Variants in CIPC observed in about 807,000 individuals in gnomAD.
The protein encoded by CIPC is CLOCK interacting pacemaker, also known as CLOCK-interacting pacemaker.
A neutral mutation model predicts 26.7 loss-of-function variants in CIPC; 12 were observed. The observed-to-expected ratio is 0.45, with a 90% confidence interval of 0.29 to 0.73. CIPC has a LOEUF of 0.73. Ranked by LOEUF, CIPC falls within the 30% of genes least tolerant of loss-of-function variation. The pLI, the probability that CIPC is intolerant of heterozygous loss-of-function variation, is 0.12. For missense variants in CIPC, 417 were observed against 486.5 expected, an observed-to-expected ratio of 0.86 and a Z score of 1.34; for synonymous variants, 170 against 189.8, an observed-to-expected ratio of 0.90 and a Z score of 0.86.
chr14:77,106,566 C>G (rs896704876), intron 2 of CIPC, among the ~76,000 whole-genome samples: 1 of 151,874 alleles, frequency 6.6e-6, no homozygotes, highest in Admixed American at 6.6e-5. Flanking sequence ...ATTTTTGGCG[C>G]GGGGATGCAG....
chr14:77,110,123 C>A, intron 3 of CIPC, 142 bp downstream of exon 3: 1 of 738,962 alleles, frequency 1.4e-6, no homozygotes, highest in Non-Finnish European at 2.1e-6. Flanking sequence ...TACTTTCTGT[C>A]CTGGGGAGCG....
Position 77,115,035 on chromosome 14 carries a change from A to T in CIPC, c.*717A>T, listed in dbSNP as rs3813544. The T allele has an allele frequency of 6.6e-6, 1 of 152,262 alleles. No homozygotes were observed. The highest frequency in any genetic ancestry group is 6.5e-5 in the Admixed American group (1 of 15,288). The allele number at this position is 152,262 out of a possible 1,614,324, so 9.4% of individuals were successfully genotyped here. A position where few individuals can be genotyped will look rare whatever the true frequency, so the allele number is the denominator to read the frequency against. ...ATGAATGCAGTACATCTGGAATTGT[A>T]GTCGATGAATTGCTTTTTTGACTTA... On this transcript the variant is annotated 3_prime_UTR_variant, in exon 4 of 4. Transcript: ENST00000361786.
intron 1 of CIPC, among the ~76,000 whole-genome samples, chr14:77,105,183 G>A (rs1292677788): frequency 6.6e-6 from 1 of 152,174 alleles, no homozygotes; most frequent in Non-Finnish European, 1.5e-5. Context: ...TGTGGGAGGT[G>A]GCAATAGGTC....
chr14:77,114,757 G>T lies in CIPC; in HGVS notation c.*439G>T, dbSNP rs753989287. On this transcript the variant is annotated 3_prime_UTR_variant, in exon 4 of 4. Transcript: ENST00000361786. ...AACCTTCATGGATCTTCCCTTGCCT[G>T]TCTTAGTCACAGAGAGAAATAAGAG... is the stretch of plus-strand genomic sequence containing the variant. 5 of 161,288 alleles carry T rather than the reference G, an allele frequency of 3.1e-5. No homozygotes were observed. Among genetic ancestry groups the T allele is most frequent in the Non-Finnish European group, 6.9e-5 (5 of 72,842 alleles). The allele number at this position is 161,288 out of a possible 1,614,324, so 10.0% of individuals were successfully genotyped here. A position where few individuals can be genotyped will look rare whatever the true frequency, so the allele number is the denominator to read the frequency against.
chr14:77,099,537 C>T (rs1244200723), intron 1 of CIPC, among the ~76,000 whole-genome samples: 1 of 152,134 alleles, frequency 6.6e-6, no homozygotes, highest in African/African-American at 2.4e-5. Context: ...ATAATTCTAA[C>T]GGGGATTACT....
chr14:77,100,644 A>G (rs1886463275), intron 1 of CIPC, among the ~76,000 whole-genome samples: 1 of 150,620 alleles, frequency 6.6e-6, no homozygotes, highest in African/African-American at 2.4e-5. Context: ...ATCTCGGCTC[A>G]CTGCAACTCC....
intron 1 of CIPC, among the ~76,000 whole-genome samples, chr14:77,099,610 C>T (rs1282631470): frequency 6.6e-6 from 1 of 152,140 alleles, no homozygotes. Context: ...GGGCTTTTAC[C>T]TCACACTTCT....
At chr14:77,113,080 T>C (rs1163357885) in intron 3 of CIPC, among the ~76,000 whole-genome samples, 1 of 152,226 alleles carries the variant, frequency 6.6e-6, no homozygotes, top group African/African-American at 2.4e-5. Flanking sequence ...TAAATGAAGA[T>C]ACACTTTGGT....
chr14:77,098,285 A>T lies in CIPC; in HGVS notation c.-129A>T, dbSNP rs563975978. The stretch of plus-strand genomic sequence containing the variant: ...GACACCCAGCGACGACGAGGTTGTC[A>T]TGGTGCCGCGGGGCCGTGCTCGCGC... On this transcript the variant is annotated 5_prime_UTR_variant, in exon 1 of 4. An upstream start codon of the reference 5' UTR is lost. Transcript: ENST00000361786. 3 of 152,616 alleles carry T rather than the reference A, an allele frequency of 2.0e-5. No individual in the cohort carries two copies. Among genetic ancestry groups the T allele is most frequent in the African/African-American group, 7.2e-5 (3 of 41,420 alleles). 9.5% of individuals were successfully genotyped at this position (152,616 alleles called of 1,614,324 possible). A position where few individuals can be genotyped will look rare whatever the true frequency, so the allele number is the denominator to read the frequency against.
rs765319757 is a variant in CIPC at position 77,116,939 on chromosome 14, C to T, written c.*2621C>T. The stretch of plus-strand genomic sequence containing the variant: ...TGAAGGTGAGAAGCCATTTTTAGCT[C>T]AGAGCAACCCTTAAGAGAACTTTTG... On this transcript the variant is annotated 3_prime_UTR_variant, in exon 4 of 4. Transcript: ENST00000361786. 15 of 152,160 alleles carry T rather than the reference C, an allele frequency of 9.9e-5. No individual in the cohort carries two copies. The highest frequency in any genetic ancestry group is 2.1e-4 in the South Asian group (1 of 4,828). 9.4% of individuals were successfully genotyped at this position (152,160 alleles called of 1,614,324 possible). A position where few individuals can be genotyped will look rare whatever the true frequency, so the allele number is the denominator to read the frequency against.
Position 77,114,177 on chromosome 14 carries a change from A to G in CIPC, c.1059A>G (p.Leu353=). ...CAACTCAGGTAGAACTAGACCAGCT[A>G]AAGGAGCAAACCCAGCTGTTTATAG... The part of the protein sequence containing the change: ...NQATQVELDQ[L]KEQTQLFIEA... Residue 353 remains leucine, a synonymous_variant, in exon 4 of 4, where the codon CTA becomes CTG. Transcript: ENST00000361786. The G allele has an allele frequency of 6.2e-7, 1 of 1,614,164 alleles. No homozygotes were observed. The highest frequency in any genetic ancestry group is 1.3e-5 in the African/African-American group (1 of 75,066).
chr14:77,104,783 CTTGA>C (rs918788986), intron 1 of CIPC, among the ~76,000 whole-genome samples: 21 of 152,232 alleles, frequency 1.4e-4, no homozygotes, highest in African/African-American at 5.1e-4. Context: ...TGAGTGATTA[CTTGA>C]TTAATGACTG....
chr14:77,099,893 C>T (rs1397154454), intron 1 of CIPC: 2 of 152,142 alleles, frequency 1.3e-5, no homozygotes, highest in Non-Finnish European at 2.9e-5. Flanking sequence ...GGGGACCAGA[C>T]GTGGAGGTTA....
intron 1 of CIPC, 29 bp from the exon 2 acceptor site, chr14:77,105,628 G>A: frequency 6.7e-7 from 1 of 1,482,720 alleles, no homozygotes; most frequent in Admixed American, 2.0e-5. Flanking sequence ...TCTCCAGGCA[G>A]TGACTTCTTA....
At chr14:77,103,192 A>T (rs1361551103) in intron 1 of CIPC, among the ~76,000 whole-genome samples, 3 of 152,250 alleles carry the variant, frequency 2.0e-5, no homozygotes, top group Non-Finnish European at 4.4e-5. Context: ...ATTCTCATTC[A>T]GTTCAGTTTG....
In CIPC at chr14:77,114,678, C is replaced by T. The variant is rs1456097026; in HGVS notation, c.*360C>T. The T allele has an allele frequency of 4.7e-6, 1 of 214,194 alleles. No individual in the cohort carries two copies. The highest frequency in any genetic ancestry group is 1.0e-4 in the East Asian group (1 of 9,756). 13.3% of individuals were successfully genotyped at this position (214,194 alleles called of 1,614,324 possible). A position where few individuals can be genotyped will look rare whatever the true frequency, so the allele number is the denominator to read the frequency against. Reference sequence around the variant, plus strand: ...CACCAGGATCAAGGGTACAGTAACACGAATGAGCATACAGAGCAACACCTG... The same window carrying T: ...CACCAGGATCAAGGGTACAGTAACATGAATGAGCATACAGAGCAACACCTG... On this transcript the variant is annotated 3_prime_UTR_variant, in exon 4 of 4. Coordinates refer to ENST00000361786, the MANE Select transcript of CIPC (RefSeq NM_033426.3).
chr14:77,101,233 A>G (rs1886477774), intron 1 of CIPC, among the ~76,000 whole-genome samples: 1 of 152,150 alleles, frequency 6.6e-6, no homozygotes, highest in Non-Finnish European at 1.5e-5. Flanking sequence ...GGTTGAGAGC[A>G]CCAGTAGTAA....
chr14:77,105,967 T>G, intron 2 of CIPC, 123 bp downstream of exon 2: 1 of 1,115,756 alleles, frequency 9.0e-7, no homozygotes, highest in Non-Finnish European at 1.3e-6. Context: ...AATACTTACC[T>G]GCTTTAAAAT....
intron 1 of CIPC, chr14:77,099,014 T>C (rs1463088443): frequency 1.3e-5 from 2 of 152,604 alleles, no homozygotes; most frequent in Admixed American, 6.5e-5. Context: ...GGAGCTAGGC[T>C]CCCTGTTATT....
Sources: gnomAD v4.1 joint callset for allele counts (sites outside exome capture counted in the v4.1 genomes callset) on GRCh38, gnomAD v4.1.1 for gene constraint, MANE v1.5 for transcripts, NCBI Gene and HGNC (gene_info 2026-07-23, HGNC 2026-07-21) for gene names.